Variants in LHFPL6 observed in about 807,000 individuals in gnomAD.
The protein encoded by LHFPL6 is LHFPL tetraspan subfamily member 6.
Under a neutral mutation model 20.6 loss-of-function variants are expected in LHFPL6, and 9 were observed. The ratio of observed to expected loss-of-function variants is 0.44; its 90% CI spans 0.26 to 0.76. The LOEUF (loss-of-function observed/expected upper bound fraction) is 0.76, where lower values mean the gene tolerates loss of function less well. LHFPL6 is among the 30% of genes least tolerant of loss of function. The pLI, the probability that LHFPL6 is intolerant of heterozygous loss-of-function variation, is 0.20. For synonymous variants in LHFPL6, 105 were observed against 98.7 expected (o/e 1.06, Z -0.38); for missense variants, 218 against 253.5 (o/e 0.86, Z 0.95).
chr13:39,369,838 T>C (rs1870121521), intron 3 of LHFPL6, among the ~76,000 whole-genome samples: 1 of 152,002 alleles, frequency 6.6e-6, no homozygotes, highest in Admixed American at 6.6e-5. Context: ...AGTTGAAAAA[T>C]CCTATCCCAC....
intron 2 of LHFPL6, among the ~76,000 whole-genome samples, chr13:39,457,455 A>G (rs972586880): frequency 6.6e-6 from 1 of 152,354 alleles, no homozygotes; most frequent in East Asian, 1.9e-4. Context: ...TAGATTGGCT[A>G]CAGTTGGAAA....
intron 2 of LHFPL6, among the ~76,000 whole-genome samples, chr13:39,479,787 T>A (rs1037570572): frequency 4.6e-5 from 7 of 152,156 alleles, no homozygotes; most frequent in Admixed American, 1.3e-4. Flanking sequence ...AATAGCAAAC[T>A]ATCAGCTAAA....
At chr13:39,385,160 G>GA (rs1384446374) in intron 2 of LHFPL6, among the ~76,000 whole-genome samples, 1 of 152,216 alleles carries the variant, frequency 6.6e-6, no homozygotes, top group East Asian at 1.9e-4. Flanking sequence ...AGGCCATGGG[G>GA]AAGATTGTTT....
At chr13:39,449,967 C>G (rs1416462927) in intron 2 of LHFPL6, among the ~76,000 whole-genome samples, 1 of 152,162 alleles carries the variant, frequency 6.6e-6, no homozygotes, top group Non-Finnish European at 1.5e-5. Flanking sequence ...CTGACAATCT[C>G]ATATATTTGG....
chr13:39,384,700 A>C (rs534210891), intron 2 of LHFPL6, among the ~76,000 whole-genome samples: 1 of 152,296 alleles, frequency 6.6e-6, no homozygotes, highest in South Asian at 2.1e-4. Context: ...CTAGTTGCCT[A>C]ATTTGCTTCT....
chr13:39,562,824 C>T (rs180896525), intron 2 of LHFPL6, among the ~76,000 whole-genome samples: 12 of 151,912 alleles, frequency 7.9e-5, no homozygotes, highest in African/African-American at 2.9e-4. Flanking sequence ...GAAAAAGACC[C>T]ACCAGAGCGC....
chr13:39,578,131 T>C (rs188907681), intron 2 of LHFPL6, among the ~76,000 whole-genome samples: 17 of 152,170 alleles, frequency 1.1e-4, no homozygotes, highest in African/African-American at 4.1e-4. Flanking sequence ...GGGCAGCATG[T>C]CTCAACCCAT....
At chr13:39,391,422 A>T (rs1270887547) in intron 2 of LHFPL6, among the ~76,000 whole-genome samples, 1 of 152,186 alleles carries the variant, frequency 6.6e-6, no homozygotes, top group African/African-American at 2.4e-5. Context: ...CTCATCAGTT[A>T]AGAAGGAATA....
intron 2 of LHFPL6, among the ~76,000 whole-genome samples, chr13:39,500,283 C>A (rs1869248330): frequency 6.6e-6 from 1 of 152,118 alleles, no homozygotes; most frequent in Non-Finnish European, 1.5e-5. Flanking sequence ...CAGCTCACTG[C>A]AGCCTCGACC....
rs554514890 is a variant in LHFPL6 at position 39,558,436 on chromosome 13, G to C, written c.385+42396C>G. 2.6e-5 allele frequency among the ~76,000 whole-genome samples: 4 copies of C among 152,280 alleles called. No homozygotes were observed. In the East Asian group the frequency reaches 7.7e-4, roughly 29 times the overall value. ...CCAGCAAAGTTCAATAGGACATTTT[G>C]ACAACACATAATTGGAAGTTACCTC... is the stretch of plus-strand genomic sequence containing the variant. On this transcript the variant is annotated intron_variant, in intron 2 of 3. Transcript: ENST00000379589.
At chr13:39,490,754 C>A (rs1411452785) in intron 2 of LHFPL6, among the ~76,000 whole-genome samples, 1 of 152,200 alleles carries the variant, frequency 6.6e-6, no homozygotes, top group Non-Finnish European at 1.5e-5. Context: ...CTGGAGGGGA[C>A]AGCTGCTAAG....
rs993755462 is a variant in LHFPL6, at chr13:39,582,178, G to C, written c.385+18654C>G. On this transcript the variant is annotated intron_variant, in intron 2 of 3. Transcript: ENST00000379589. ...CAAAAGCAGCGGCCTCATTCTACGA[G>C]GCTCATGGACTTGAAAAGAGAGAGC... 7.2e-4 allele frequency among the ~76,000 whole-genome samples: 109 copies of C among 152,082 alleles called. 1 individual carries two copies. Among genetic ancestry groups the C allele is most frequent in the African/African-American group, 2.6e-3 (109 of 41,404 alleles).
chr13:39,471,183 A>T (rs1013343184), intron 2 of LHFPL6, among the ~76,000 whole-genome samples: 2 of 152,202 alleles, frequency 1.3e-5, no homozygotes, highest in African/African-American at 4.8e-5. Context: ...GGAGGAGAAG[A>T]TGCCTGCACT....
At chr13:39,561,182 C>T (rs761978664) in intron 2 of LHFPL6, among the ~76,000 whole-genome samples, 2 of 151,936 alleles carry the variant, frequency 1.3e-5, no homozygotes, top group Non-Finnish European at 2.9e-5. Context: ...CCTCCCCACT[C>T]CCCATACCCC....
chr13:39,376,989 G>C (rs555674360), intron 3 of LHFPL6, among the ~76,000 whole-genome samples: 3 of 152,126 alleles, frequency 2.0e-5, no homozygotes, highest in African/African-American at 7.2e-5. Flanking sequence ...AACCTAGAAA[G>C]GATTATCTGA....
chr13:39,427,951 T>A (rs1178421878), intron 2 of LHFPL6, among the ~76,000 whole-genome samples: 9 of 152,232 alleles, frequency 5.9e-5, no homozygotes, highest in Non-Finnish European at 1.2e-4. Flanking sequence ...TTCCTCCTAC[T>A]CCAGCCATGT....
At chr13:39,475,619 T>C (rs751984513) in intron 2 of LHFPL6, among the ~76,000 whole-genome samples, 15 of 152,088 alleles carry the variant, frequency 9.9e-5, no homozygotes, top group Non-Finnish European at 1.8e-4. Context: ...ACACCACCCA[T>C]AGCCACACAC....
intron 2 of LHFPL6, among the ~76,000 whole-genome samples, chr13:39,511,153 G>A (rs1332918077): frequency 6.6e-6 from 1 of 151,984 alleles, no homozygotes; most frequent in African/African-American, 2.4e-5. Flanking sequence ...GATTACAGGC[G>A]TGAGCCACCG....
At chr13:39,399,018 C>T (rs114614317) in intron 2 of LHFPL6, among the ~76,000 whole-genome samples, 2,086 of 152,238 alleles carry the variant, frequency 0.014, 50 homozygotes, top group African/African-American at 0.048. Context: ...CATAATCATT[C>T]GACACAAGTG....
Sources: allele counts gnomAD v4.1 joint callset (sites outside exome capture counted in the v4.1 genomes callset), GRCh38; gene constraint gnomAD v4.1.1; transcripts MANE v1.5; gene names NCBI Gene and HGNC (gene_info 2026-07-23, HGNC 2026-07-21).